PARP8: variants seen among roughly 807,000 people sequenced by gnomAD.
PARP8 encodes the protein protein mono-ADP-ribosyltransferase PARP8.
A neutral mutation model predicts 124.1 loss-of-function variants in PARP8; 51 were observed. That is an observed-to-expected ratio of 0.41 (90% CI 0.33 to 0.52). The LOEUF (loss-of-function observed/expected upper bound fraction) is 0.52, where lower values mean the gene tolerates loss of function less well. Ranked by LOEUF, PARP8 falls within the 20% of genes least tolerant of loss-of-function variation. PARP8 has a pLI of 0.21. For missense variants in PARP8, 860 were observed against 1,018.9 expected (o/e 0.84, Z 2.12); for synonymous variants, 391 against 361.5 (o/e 1.08, Z -0.93).
intron 2 of PARP8, among the ~76,000 whole-genome samples, chr5:50,693,676 GTAAAT>G (rs1454646288): frequency 2.6e-5 from 4 of 151,080 alleles, no homozygotes; most frequent in Non-Finnish European, 5.9e-5. Flanking sequence ...AATCAATCAT[GTAAAT>G]TAAATTATGT....
chr5:50,742,817 A>T (rs1025334683), intron 2 of PARP8, among the ~76,000 whole-genome samples: 7 of 152,132 alleles, frequency 4.6e-5, no homozygotes, highest in Non-Finnish European at 8.8e-5. Context: ...AATATGACCT[A>T]ATCTGCAGTT....
At chr5:50,800,429 C>A (rs1743072625) in intron 14 of PARP8, among the ~76,000 whole-genome samples, 1 of 152,032 alleles carries the variant, frequency 6.6e-6, no homozygotes, top group Non-Finnish European at 1.5e-5. Context: ...TTTTCCTTAT[C>A]TAATGTGCTT....
chr5:50,703,699 T>A (rs1057016910), intron 2 of PARP8, among the ~76,000 whole-genome samples: 3 of 152,114 alleles, frequency 2.0e-5, no homozygotes, highest in Non-Finnish European at 4.4e-5. Flanking sequence ...GGTCTAACTC[T>A]ATACATTCGT....
chr5:50,806,361 G>A (rs1293338335), intron 14 of PARP8, among the ~76,000 whole-genome samples: 16 of 151,964 alleles, frequency 1.1e-4, no homozygotes, highest in Admixed American at 1.1e-3. Flanking sequence ...GGAGTTCACT[G>A]TTTGTGGTTT....
At chr5:50,751,455 G>C (rs1011015362) in intron 3 of PARP8, among the ~76,000 whole-genome samples, 1 of 152,110 alleles carries the variant, frequency 6.6e-6, no homozygotes, top group African/African-American at 2.4e-5. Flanking sequence ...TCTGTTTGGT[G>C]AAAGTAGGTT....
chr5:50,846,126 T>G lies in PARP8; in HGVS notation c.*4058T>G, dbSNP rs1025169192. ...TTTACATAGTCAATATAATTTAATG[T>G]TCTAAAAATAATATCTTCGATCTGC... On this transcript the variant is annotated 3_prime_UTR_variant, in exon 26 of 26. Coordinates refer to ENST00000281631, the MANE Select transcript of PARP8 (RefSeq NM_024615.4). 1 of 151,762 alleles carries G rather than the reference T, an allele frequency of 6.6e-6. No homozygotes were observed. Among genetic ancestry groups the G allele is most frequent in the African/African-American group, 2.4e-5 (1 of 41,402 alleles). The allele number at this position is 151,762 out of a possible 1,614,324, so 9.4% of individuals were successfully genotyped here. A position where few individuals can be genotyped will look rare whatever the true frequency, so the allele number is the denominator to read the frequency against.
At chr5:50,760,229 T>C (rs1760409120) in intron 4 of PARP8, 63 bp from the exon 5 acceptor site, 2 of 1,319,656 alleles carry the variant, frequency 1.5e-6, no homozygotes, top group African/African-American at 1.5e-5. Flanking sequence ...CCAAAACTTA[T>C]GAATGCTTGG....
chr5:50,819,427 C>CTTTTTTTTTTTTTT lies in PARP8; in HGVS notation c.1669-1769_1669-1756dup, dbSNP rs34347134. On this transcript the variant is annotated intron_variant, in intron 15 of 25. Coordinates refer to ENST00000281631, the MANE Select transcript of PARP8 (RefSeq NM_024615.4). ...GTCTCAGAAAAGGCTATTTTATCTT[C>CTTTTTTTTTTTTTT]TTTTTTTTTTTTTTTTTTTTTTTTT... 5.1e-4 allele frequency among the ~76,000 whole-genome samples: 24 copies of CTTTTTTTTTTTTTT among 46,642 alleles called. 5 individuals are homozygous for CTTTTTTTTTTTTTT. Among genetic ancestry groups the CTTTTTTTTTTTTTT allele is most frequent in the South Asian group, 4.8e-3 (4 of 838 alleles). The allele number at this position is 46,642 out of a possible 152,430, so 30.6% of individuals were successfully genotyped here.
chr5:50,733,073 G>A (rs560527197), intron 2 of PARP8, among the ~76,000 whole-genome samples: 1 of 151,992 alleles, frequency 6.6e-6, no homozygotes, highest in Non-Finnish European at 1.5e-5. Context: ...AGGCCAAAGC[G>A]GGTGGATTGC....
intron 3 of PARP8, among the ~76,000 whole-genome samples, chr5:50,759,334 G>C (rs917101669): frequency 6.6e-6 from 1 of 152,116 alleles, no homozygotes; most frequent in Non-Finnish European, 1.5e-5. Flanking sequence ...TGTCCAGTGA[G>C]TTAAGGCACC....
rs192939312 is a variant in PARP8 at position 50,762,160 on chromosome 5, T to C, written c.423+262T>C. On this transcript the variant is annotated intron_variant, in intron 6 of 25. Coordinates refer to ENST00000281631, the MANE Select transcript of PARP8 (RefSeq NM_024615.4). ...TACAGCGATTTTGCAGATAGTATTTTATTATGCTTTTGACTTGAATTTCTT... is the reference window on the plus strand; with the variant it reads ...TACAGCGATTTTGCAGATAGTATTTCATTATGCTTTTGACTTGAATTTCTT... 2.0e-5 allele frequency among the ~76,000 whole-genome samples: 3 copies of C among 152,296 alleles called. No individual in the cohort carries two copies. The East Asian group carries it at 5.8e-4, about 29-fold the overall frequency.
intron 2 of PARP8, among the ~76,000 whole-genome samples, chr5:50,728,993 C>T (rs1756708761): frequency 6.6e-6 from 1 of 151,974 alleles, no homozygotes; most frequent in Admixed American, 6.6e-5. Flanking sequence ...GAGAGTTAAA[C>T]ATTTTTTCTC....
intron 4 of PARP8, 151 bp downstream of exon 4, chr5:50,759,883 AT>A: frequency 2.0e-6 from 2 of 1,012,504 alleles, no homozygotes; most frequent in African/African-American, 1.7e-5. Flanking sequence ...TCTAAAGTAC[AT>A]TTTTTAACAA....
chr5:50,804,716 G>A (rs913968441), intron 14 of PARP8, among the ~76,000 whole-genome samples: 4 of 152,020 alleles, frequency 2.6e-5, no homozygotes, highest in African/African-American at 7.3e-5. Flanking sequence ...CTAGAACAGC[G>A]GTTGACTGAA....
chr5:50,747,163 GTT>G (rs1211253892), intron 2 of PARP8, among the ~76,000 whole-genome samples: 7 of 95,494 alleles, frequency 7.3e-5, no homozygotes, highest in Admixed American at 5.7e-4. Flanking sequence ...TGTTTGTTTT[GTT>G]TTTTTTTTTT....
chr5:50,731,691 T>G (rs1184803694), intron 2 of PARP8, among the ~76,000 whole-genome samples: 1 of 152,216 alleles, frequency 6.6e-6, no homozygotes, highest in African/African-American at 2.4e-5. Context: ...TATACTCAGT[T>G]ATGCATTTGC....
chr5:50,788,352 A>T (rs531948482), intron 9 of PARP8, among the ~76,000 whole-genome samples, 171 bp from the exon 10 acceptor site: 1 of 150,486 alleles, frequency 6.6e-6, no homozygotes. Flanking sequence ...AATGACCAAT[A>T]ATCTCCTATG....
At chr5:50,771,507 A>G (rs1761627227) in intron 7 of PARP8, among the ~76,000 whole-genome samples, 1 of 151,988 alleles carries the variant, frequency 6.6e-6, no homozygotes, top group Admixed American at 6.6e-5. Flanking sequence ...CACACAGGCT[A>G]CCTTATATTT....
chr5:50,670,602 G>A (rs1380651318), intron 2 of PARP8, among the ~76,000 whole-genome samples: 1 of 152,224 alleles, frequency 6.6e-6, no homozygotes, highest in Non-Finnish European at 1.5e-5. Context: ...CCTCAGAGTG[G>A]CAGTTAACAT....
Sources: allele counts gnomAD v4.1 joint callset (sites outside exome capture counted in the v4.1 genomes callset), GRCh38; gene constraint gnomAD v4.1.1; transcripts MANE v1.5; gene names NCBI Gene and HGNC (gene_info 2026-07-23, HGNC 2026-07-21).